The following NGEF variants were observed in gnomAD, a reference collection of about 807,000 sequenced individuals.
NGEF encodes the protein neuronal guanine nucleotide exchange factor, also known as ephexin-1.
NGEF carries 31 observed loss-of-function variants against 80.9 expected under a neutral mutation model. The ratio of observed to expected loss-of-function variants is 0.38; its 90% confidence interval spans 0.29 to 0.52. NGEF has a LOEUF of 0.52. Ranked by LOEUF, NGEF falls within the 20% of genes least tolerant of loss-of-function variation. NGEF has a pLI of 0.84. For missense variants in NGEF, 709 were observed against 926.2 expected (o/e 0.77, Z 3.04); for synonymous variants, 371 against 370.2 (o/e 1.00, Z -0.03).
At chr2:232,993,173 TA>T (rs1559238343) in intron 1 of NGEF, among the ~76,000 whole-genome samples, 7 of 134,054 alleles carry the variant, frequency 5.2e-5, no homozygotes, top group Non-Finnish European at 1.1e-4. Context: ...ATATTATATA[TA>T]TAAATAAATA....
intron 3 of NGEF, among the ~76,000 whole-genome samples, chr2:232,942,055 C>T (rs755456566): frequency 1.3e-5 from 2 of 152,130 alleles, no homozygotes; most frequent in Non-Finnish European, 2.9e-5. Flanking sequence ...CCAAAGAAAC[C>T]ACCACCTCCA....
intron 5 of NGEF, among the ~76,000 whole-genome samples, chr2:232,917,173 A>G (rs1393927039): frequency 9.2e-5 from 14 of 152,384 alleles, no homozygotes; most frequent in Admixed American, 4.6e-4. Context: ...TCCAGGGAAG[A>G]CAAGTTGCTA....
intron 3 of NGEF, among the ~76,000 whole-genome samples, chr2:232,935,001 C>G (rs1480618858): frequency 6.8e-6 from 1 of 147,180 alleles, no homozygotes; most frequent in Non-Finnish European, 1.5e-5. Context: ...GAGTGAGACT[C>G]TGTCTCAAAA....
intron 1 of NGEF, among the ~76,000 whole-genome samples, chr2:232,997,675 G>T (rs1694882666): frequency 6.6e-6 from 1 of 152,084 alleles, no homozygotes; most frequent in Non-Finnish European, 1.5e-5. Context: ...TTCAGGCAAG[G>T]CTCTGGCGAC....
rs1401890302 is a variant in NGEF, at chr2:232,983,703, G to A, written c.-74-8739C>T. Among the ~76,000 whole-genome samples the A allele has an allele frequency of 2.6e-5, 4 of 152,174 alleles. No homozygotes were observed. The East Asian group carries it at 7.7e-4, about 29-fold the overall frequency. The stretch of plus-strand genomic sequence containing the variant: ...ACTTGGAAATGGCCCACTGTGCCCC[G>A]GTCTCGGTCTCGTGTAGGGTTGGGA... On this transcript the variant is annotated intron_variant, in intron 1 of 14. Transcript: ENST00000264051.
chr2:232,880,919 G>T (rs56009850), intron 14 of NGEF, among the ~76,000 whole-genome samples: 63 of 152,314 alleles, frequency 4.1e-4, no homozygotes, highest in Non-Finnish European at 6.9e-4. Context: ...GGGGTCTCCC[G>T]GCTCTAGGGG....
At chr2:232,989,651 T>C (rs2106333151) in intron 1 of NGEF, among the ~76,000 whole-genome samples, 1 of 152,328 alleles carries the variant, frequency 6.6e-6, no homozygotes, top group South Asian at 2.1e-4. Flanking sequence ...GAAATGAGTC[T>C]AGACAGAGAG....
At position 232,884,142 on chromosome 2, in the gene NGEF, C is replaced by T. The variant is rs556313515; in HGVS notation, c.1440G>A (p.Ser480=). ...AGCGGGAGTGGGAGATGATGGGCAC[C>T]GACTGCAGCGGGGAAAGGGCATCAG... ...IQKKMEFKIK[S]VPIISHSRWL... Residue 480 remains serine, a splice_region_variant and synonymous_variant, in exon 11 of 15, where the codon TCG becomes TCA. Transcript: ENST00000264051. 28 of 1,593,390 alleles carry T rather than the reference C, an allele frequency of 1.8e-5. No homozygotes were observed. The highest frequency in any genetic ancestry group is 1.7e-4 in the Middle Eastern group (1 of 6,012).
chr2:232,983,607 A>T (rs1694481002), intron 1 of NGEF, among the ~76,000 whole-genome samples: 1 of 152,160 alleles, frequency 6.6e-6, no homozygotes, highest in African/African-American at 2.4e-5. Context: ...TGCAGAACTC[A>T]TTAACACGCT....
rs556262029 is a variant in NGEF at position 232,906,072 on chromosome 2, G to T, written c.829-11156C>A. On this transcript the variant is annotated intron_variant, in intron 5 of 14. Coordinates refer to ENST00000264051, the MANE Select transcript of NGEF (RefSeq NM_019850.3). ...GCCGCCCCGTCCGGGAGGGAGGTGA[G>T]GGGGTCAGCCCCCCGCCTGGTCAGC... Among the ~76,000 whole-genome samples the T allele has an allele frequency of 2.5e-3, 321 of 128,978 alleles. 8 individuals carry two copies. The highest frequency in any genetic ancestry group is 9.1e-3 in the African/African-American group (309 of 33,802). The allele number at this position is 128,978 out of a possible 152,430, so 84.6% of individuals were successfully genotyped here. A position where few individuals can be genotyped will look rare whatever the true frequency, so the allele number is the denominator to read the frequency against.
chr2:232,980,935 A>G (rs1694404603), intron 1 of NGEF, among the ~76,000 whole-genome samples: 1 of 152,054 alleles, frequency 6.6e-6, no homozygotes. Context: ...GGCCAGGTCT[A>G]GGGCACATGG....
At chr2:232,927,930 C>T (rs1190552870) in intron 3 of NGEF, 24 of 1,341,570 alleles carry the variant, frequency 1.8e-5, no homozygotes, top group Non-Finnish European at 2.3e-5. Flanking sequence ...TCGCGCGCGT[C>T]GCTTTCCGAG....
At position 232,908,012 on chromosome 2, in the gene NGEF, A is replaced by G. The variant is rs536272956; in HGVS notation, c.828+12272T>C. On this transcript the variant is annotated intron_variant, in intron 5 of 14. Transcript: ENST00000264051. The stretch of plus-strand genomic sequence containing the variant: ...GTAATCCCAGCTACTCAGGAGGCTG[A>G]GGCAGGAGAATTGCTCGAACCCAGG... Among the ~76,000 whole-genome samples, 55 of 152,282 alleles carry G rather than the reference A, an allele frequency of 3.6e-4. 1 individual carries two copies. The highest frequency in any genetic ancestry group is 6.8e-3 in the Middle Eastern group (2 of 294).
At chr2:233,010,249 C>T (rs749502826) in intron 1 of NGEF, among the ~76,000 whole-genome samples, 13 of 152,112 alleles carry the variant, frequency 8.5e-5, no homozygotes, top group Non-Finnish European at 1.6e-4. Flanking sequence ...TGGCCCAACC[C>T]TTACTGCAGG....
intron 3 of NGEF, among the ~76,000 whole-genome samples, chr2:232,946,149 T>C (rs72978109): frequency 0.19 from 29,154 of 151,574 alleles, 3,003 homozygotes; most frequent in East Asian, 0.35. Flanking sequence ...CTAGATAAGA[T>C]TGGAGACAGT....
In NGEF at chr2:232,879,567, G is replaced by A; in HGVS notation, c.2055C>T (p.Phe685=). The A allele has an allele frequency of 6.2e-7, 1 of 1,613,932 alleles. No homozygotes were observed. The highest frequency in any genetic ancestry group is 8.5e-7 in the Non-Finnish European group (1 of 1,179,990). ...GAGGGTCATCCATCTTGTGGACACGGAAACATTCCTTGAGGTTCTGGGACC... is the reference window on the plus strand; with the variant it reads ...GAGGGTCATCCATCTTGTGGACACGAAAACATTCCTTGAGGTTCTGGGACC... The part of the protein sequence containing the change: ...KIRSQNLKEC[F]RVHKMDDPQR... The change falls in exon 15 of 15, where the codon TTC becomes TTT. Residue 685 remains phenylalanine (F), a synonymous_variant. Transcript: ENST00000264051.
intron 2 of NGEF, among the ~76,000 whole-genome samples, chr2:232,974,079 A>T (rs1035236312): frequency 2.0e-5 from 3 of 152,218 alleles, no homozygotes; most frequent in African/African-American, 7.2e-5. Flanking sequence ...CCCCATTTGT[A>T]AAGTTTTCTG....
intron 7 of NGEF, among the ~76,000 whole-genome samples, chr2:232,891,832 C>T (rs886823286): frequency 3.9e-5 from 6 of 152,172 alleles, no homozygotes; most frequent in Non-Finnish European, 5.9e-5. Context: ...GTGACAGGAA[C>T]GGGCAGCAGG....
chr2:232,943,539 A>G (rs1331052469), intron 3 of NGEF, among the ~76,000 whole-genome samples: 10 of 129,418 alleles, frequency 7.7e-5, no homozygotes, highest in South Asian at 5.2e-4. Flanking sequence ...TCTGTCGCCC[A>G]GGCTGGAGTG....
Sources: gnomAD v4.1 joint callset for allele counts (sites outside exome capture counted in the v4.1 genomes callset) on GRCh38, gnomAD v4.1.1 for gene constraint, MANE v1.5 for transcripts, NCBI Gene and HGNC (gene_info 2026-07-23, HGNC 2026-07-21) for gene names.